IQANK1: variants seen among roughly 807,000 people sequenced by gnomAD.
The protein encoded by IQANK1 is IQ motif and ankyrin repeat containing 1.
In IQANK1, 30 loss-of-function variants were observed where a neutral mutation model predicts 22.6. That is an observed-to-expected ratio of 1.33 (90% CI 0.99 to 1.80). The LOEUF (loss-of-function observed/expected upper bound fraction) is 1.80, where lower values mean the gene tolerates loss of function less well. IQANK1 is among the 40% of genes most tolerant of loss of function. The pLI is 0.00. For missense variants in IQANK1, 275 were observed against 235.2 expected (o/e 1.17, Z -1.11); for synonymous variants, 122 against 99.6 (o/e 1.23, Z -1.34).
At chr8:143,781,507 A>G (rs1234847617) in intron 7 of IQANK1, among the ~76,000 whole-genome samples, 5 of 152,154 alleles carry the variant, frequency 3.3e-5, no homozygotes, top group Non-Finnish European at 7.3e-5. Context: ...TGTATGGTGT[A>G]AGGAAGGGGT....
At chr8:143,761,494 G>A (rs1239184253) in intron 3 of IQANK1, among the ~76,000 whole-genome samples, 2 of 152,174 alleles carry the variant, frequency 1.3e-5, no homozygotes, top group Non-Finnish European at 2.9e-5. Context: ...ACTCGGCCTG[G>A]CGGGGTAACT....
rs71318622 is a variant in IQANK1, at chr8:143,751,664, G to GTATATATATATATATATATATATATA, written c.175+11730_175+11731insTATATATATATATATATATATATATA. Among the ~76,000 whole-genome samples the GTATATATATATATATATATATATATA allele has an allele frequency of 7.7e-3, 473 of 61,424 alleles. 13 individuals carry two copies. Among genetic ancestry groups the GTATATATATATATATATATATATATA allele is most frequent in the South Asian group, 0.014 (20 of 1,420 alleles). 40.3% of individuals were successfully genotyped at this position (61,424 alleles called of 152,430 possible). ...TGTGTGTGTGTGTGTGTGTGTGTGTGTATATATATATATAAAATCCTATAC... is the reference window on the plus strand; with the variant it reads ...TGTGTGTGTGTGTGTGTGTGTGTGTGTATATATATATATATATATATATATATATATATATATATAAAATCCTATAC... On this transcript the variant is annotated intron_variant, in intron 3 of 13. Coordinates refer to ENST00000527139, the MANE Select transcript of IQANK1 (RefSeq NM_001381874.1).
intron 3 of IQANK1, among the ~76,000 whole-genome samples, chr8:143,751,650 G>GTATATA (rs1223222979): frequency 2.5e-4 from 7 of 27,852 alleles, no homozygotes; most frequent in Admixed American, 5.3e-4. Flanking sequence ...GTGTGTGTGT[G>GTATATA]TGTGTGTGTG....
At chr8:143,753,654 C>T (rs537772281) in intron 3 of IQANK1, among the ~76,000 whole-genome samples, 8 of 151,914 alleles carry the variant, frequency 5.3e-5, no homozygotes, top group Non-Finnish European at 7.4e-5. Context: ...GGAGTTTCAC[C>T]GTGTTGGCCA....
intron 3 of IQANK1, chr8:143,746,309 A>G: frequency 6.6e-6 from 1 of 152,214 alleles, no homozygotes; most frequent in East Asian, 1.9e-4. Flanking sequence ...TAAATGATCT[A>G]TATCAGGCTG....
intron 3 of IQANK1, chr8:143,744,714 G>T (rs1011440823): frequency 6.6e-6 from 1 of 152,184 alleles, no homozygotes; most frequent in Non-Finnish European, 1.5e-5. Context: ...CCTTCTATCA[G>T]GCTCACTGTC....
intron 7 of IQANK1, among the ~76,000 whole-genome samples, chr8:143,776,359 GA>G (rs1352030226): frequency 6.8e-6 from 1 of 147,810 alleles, no homozygotes; most frequent in African/African-American, 2.5e-5. Context: ...AAAGAAAAAA[GA>G]AAAAAATTGA....
chr8:143,741,517 G>A (rs1272955315), intron 3 of IQANK1, among the ~76,000 whole-genome samples: 2 of 152,154 alleles, frequency 1.3e-5, no homozygotes, highest in African/African-American at 4.8e-5. Context: ...CCGCACAGGT[G>A]GGGTTGGCAG....
chr8:143,772,843 A>T (rs1819608074), intron 7 of IQANK1, among the ~76,000 whole-genome samples: 1 of 152,140 alleles, frequency 6.6e-6, no homozygotes, highest in Admixed American at 6.5e-5. Context: ...TGATGGAGAA[A>T]CTGAGGCTGG....
intron 3 of IQANK1, among the ~76,000 whole-genome samples, chr8:143,752,991 T>G (rs1819221477): frequency 1.4e-5 from 2 of 140,924 alleles, no homozygotes. Context: ...CCTTACTCTC[T>G]GTTCGTTTTT....
intron 7 of IQANK1, among the ~76,000 whole-genome samples, chr8:143,783,541 T>G (rs1469558804): frequency 1.3e-5 from 2 of 152,240 alleles, no homozygotes; most frequent in Non-Finnish European, 2.9e-5. Context: ...GCCTTTTCAC[T>G]CACTTAATGT....
rs1181763082 is a variant in IQANK1, at chr8:143,735,575, G to A, written c.-4-275G>A. Among the ~76,000 whole-genome samples the A allele has an allele frequency of 6.6e-6, 1 of 152,158 alleles. No homozygotes were observed. Among genetic ancestry groups the A allele is most frequent in the Non-Finnish European group, 1.5e-5 (1 of 68,008 alleles). ...AGACTCCAGATCCTGCGCCCGGCAG[G>A]ATGGGCTGAGCCTGGGGCGGAGGGG... On this transcript the variant is annotated intron_variant, in intron 1 of 13. Coordinates refer to ENST00000527139, the MANE Select transcript of IQANK1 (RefSeq NM_001381874.1). The surrounding 1 kb of genome is among the most constrained non-coding windows in gnomAD (Gnocchi z 5.2).
In IQANK1 at chr8:143,749,533, AATATATGAT is replaced by A. The variant is rs1291082045; in HGVS notation, c.175+9601_175+9609del. On this transcript the variant is annotated intron_variant, in intron 3 of 13. Transcript: ENST00000527139. ...TATATAAAAATATATATCACATAAA[AATATATGAT>A]ATATATGATATATATCATATATATC... Among the ~76,000 whole-genome samples, 613 of 139,902 alleles carry A rather than the reference AATATATGAT, an allele frequency of 4.4e-3. 8 individuals carry two copies. Among genetic ancestry groups the A allele is most frequent in the African/African-American group, 0.015 (575 of 37,862 alleles). The allele number at this position is 139,902 out of a possible 152,430, so 91.8% of individuals were successfully genotyped here. A position where few individuals can be genotyped will look rare whatever the true frequency, so the allele number is the denominator to read the frequency against.
chr8:143,759,765 C>G (rs1819359753), intron 3 of IQANK1: 1 of 152,216 alleles, frequency 6.6e-6, no homozygotes, highest in East Asian at 1.9e-4. Flanking sequence ...GTAGCACTAA[C>G]CTTGGCATTT....
intron 3 of IQANK1, chr8:143,759,152 T>C (rs908344451): frequency 1.8e-5 from 5 of 281,942 alleles, no homozygotes; most frequent in African/African-American, 1.1e-4. Flanking sequence ...GAGAAGCTCC[T>C]GGCTGGGCTG....
rs556774855 is a variant in IQANK1 at position 143,747,115 on chromosome 8, G to A, written c.175+7167G>A. Among the ~76,000 whole-genome samples, 5 of 152,230 alleles carry A rather than the reference G, an allele frequency of 3.3e-5. No individual in the cohort carries two copies. The South Asian group carries it at 6.2e-4, about 19-fold the overall frequency. ...AGGATGGTCTCGATCTCCTGACCTC[G>A]TGATCCACCCGCCTTGGCCTCCCAA... On this transcript the variant is annotated intron_variant, in intron 3 of 13. Coordinates refer to ENST00000527139, the MANE Select transcript of IQANK1 (RefSeq NM_001381874.1).
rs1554630156 is a variant in IQANK1, at chr8:143,774,672, A to C, written c.789+2190A>C. Among the ~76,000 whole-genome samples the C allele has an allele frequency of 6.6e-6, 1 of 152,242 alleles. No homozygotes were observed. Among genetic ancestry groups the C allele is most frequent in the African/African-American group, 2.4e-5 (1 of 41,462 alleles). On this transcript the variant is annotated intron_variant, in intron 7 of 13. Transcript: ENST00000527139. The surrounding 1 kb of genome is among the most constrained non-coding windows in gnomAD (Gnocchi z 4.2). ...TAGACATTTGCTCCAGTAAAAGGAA[A>C]ACTAGGTCCACACAAAAATGTGTAC...
intron 2 of IQANK1, among the ~76,000 whole-genome samples, chr8:143,737,810 CACAGCTGCATCTGCA>C (rs1486248638): frequency 1.3e-5 from 2 of 152,218 alleles, no homozygotes; most frequent in Admixed American, 1.3e-4. Context: ...CTCCTCCCGC[CACAGCTGCATCTGCA>C]GCTGGACCTG....
At position 143,735,701 on chromosome 8, in the gene IQANK1, G is replaced by A; in HGVS notation, c.-4-149G>A. Reference sequence around the variant, plus strand: ...CACACCCGGGGCGGGCAGGCAGACAGGACACCAGCTGGGAAGCCTCAGGGG... The same window carrying A: ...CACACCCGGGGCGGGCAGGCAGACAAGACACCAGCTGGGAAGCCTCAGGGG... On this transcript the variant is annotated intron_variant, in intron 1 of 13. Transcript: ENST00000527139. This position sits in a 1 kb window ranked among gnomAD's most constrained non-coding sequence, Gnocchi z 5.2. 1.6e-6 allele frequency: 1 copy of A among 607,832 alleles called. No homozygotes were observed. The highest frequency in any genetic ancestry group is 3.0e-6 in the Non-Finnish European group (1 of 334,740). The allele number at this position is 607,832 out of a possible 1,614,324, so 37.7% of individuals were successfully genotyped here. A position where few individuals can be genotyped will look rare whatever the true frequency, so the allele number is the denominator to read the frequency against.
Sources: gnomAD v4.1 joint callset for allele counts (sites outside exome capture counted in the v4.1 genomes callset) on GRCh38, gnomAD v4.1.1 for gene constraint, Gnocchi (gnomAD v3.1) non-coding constraint, MANE v1.5 for transcripts, NCBI Gene and HGNC (gene_info 2026-07-23, HGNC 2026-07-21) for gene names.